The following FAM227B variants were observed in gnomAD, a reference collection of about 807,000 sequenced individuals.
FAM227B encodes the protein protein FAM227B.
Under a neutral mutation model 73.8 loss-of-function variants are expected in FAM227B, and 88 were observed. The ratio of observed to expected loss-of-function variants is 1.19; its 90% CI spans 1.00 to 1.42. FAM227B has a LOEUF of 1.42. Ranked by LOEUF, FAM227B falls within the 40% of genes most tolerant of loss-of-function variation. The pLI is 0.00. For synonymous variants in FAM227B, 210 were observed against 190.5 expected (o/e 1.10, Z -0.84); for missense variants, 632 against 590.9 (o/e 1.07, Z -0.72).
chr15:49,412,850 T>C (rs1458735147), intron 11 of FAM227B, among the ~76,000 whole-genome samples: 4 of 152,238 alleles, frequency 2.6e-5, no homozygotes, highest in Admixed American at 6.5e-5. Context: ...TGTGTGGAAA[T>C]TGAATTTCAA....
rs542612493 is a variant in FAM227B, at chr15:49,477,911, A to G, written c.1012+30300T>C. On this transcript the variant is annotated intron_variant, in intron 11 of 15. Transcript: ENST00000299338. ...TATCTCATTGTTGTTTTAATTTGCA[A>G]TTCCTTTTTAAATAATTTCAACTTT... 5.5e-4 allele frequency among the ~76,000 whole-genome samples: 83 copies of G among 152,236 alleles called. 1 individual carries two copies. In the Middle Eastern group the frequency reaches 0.014, roughly 25 times the overall value.
intron 3 of FAM227B, among the ~76,000 whole-genome samples, chr15:49,604,350 G>GTT (rs34696974): frequency 6.6e-6 from 1 of 150,644 alleles, no homozygotes; most frequent in East Asian, 2.0e-4. Flanking sequence ...TTTGTTGGCA[G>GTT]TTTTTTTTTC....
intron 11 of FAM227B, among the ~76,000 whole-genome samples, chr15:49,470,921 G>C (rs1259343747): frequency 6.6e-6 from 1 of 152,172 alleles, no homozygotes; most frequent in Non-Finnish European, 1.5e-5. Context: ...AGGATGTAAG[G>C]ACACCAAGGG....
At chr15:49,498,948 C>T (rs1365440255) in intron 11 of FAM227B, among the ~76,000 whole-genome samples, 1 of 151,628 alleles carries the variant, frequency 6.6e-6, no homozygotes, top group African/African-American at 2.4e-5. Context: ...GGGCGGATCA[C>T]GAGGTCAGGA....
At position 49,335,006 on chromosome 15, in the gene FAM227B, G is replaced by A. The variant is rs545858001; in HGVS notation, c.1349+413C>T. On this transcript the variant is annotated intron_variant, in intron 14 of 15. Coordinates refer to ENST00000299338, the MANE Select transcript of FAM227B (RefSeq NM_152647.3). ...TTCCCCCAAGAAAACATTTCAGGAAGGACTTTGCTGTCTTGATTTCCTTGC... is the reference window on the plus strand; with the variant it reads ...TTCCCCCAAGAAAACATTTCAGGAAAGACTTTGCTGTCTTGATTTCCTTGC... Among the ~76,000 whole-genome samples, 4 of 152,290 alleles carry A rather than the reference G, an allele frequency of 2.6e-5. No homozygotes were observed. The East Asian group carries it at 5.8e-4, about 22-fold the overall frequency.
intron 13 of FAM227B, among the ~76,000 whole-genome samples, chr15:49,348,780 T>C (rs1323950865): frequency 6.6e-6 from 1 of 152,228 alleles, no homozygotes; most frequent in Non-Finnish European, 1.5e-5. Flanking sequence ...CCTGATTTTA[T>C]TGACCAACAA....
At chr15:49,333,769 G>A (rs761104294) in intron 14 of FAM227B, among the ~76,000 whole-genome samples, 5 of 152,142 alleles carry the variant, frequency 3.3e-5, no homozygotes, top group East Asian at 3.8e-4. Flanking sequence ...ACGTGCTTAC[G>A]GGTGTGTTGG....
chr15:49,489,883 T>TATAGAGAG (rs1555505060), intron 11 of FAM227B, among the ~76,000 whole-genome samples: 3 of 22,948 alleles, frequency 1.3e-4, no homozygotes, highest in African/African-American at 3.5e-4. Flanking sequence ...TATATATATA[T>TATAGAGAG]AGAGAGAGAG....
At chr15:49,550,819 C>A (rs1196720508) in intron 9 of FAM227B, among the ~76,000 whole-genome samples, 1 of 151,112 alleles carries the variant, frequency 6.6e-6, no homozygotes, top group Non-Finnish European at 1.5e-5. Flanking sequence ...GGCAGAGGGG[C>A]TCCTCACGTC....
At position 49,615,184 on chromosome 15, in the gene FAM227B, T is replaced by C. The variant is rs1379095068; in HGVS notation, c.-13A>G. ...GTTGGCCTGCCATGGTACAGTAACT[T>C]TGCAGAAATGAAGAGAAATCAGCTG... On this transcript the variant is annotated 5_prime_UTR_variant, in exon 2 of 16. Coordinates refer to ENST00000299338, the MANE Select transcript of FAM227B (RefSeq NM_152647.3). 3 of 1,613,928 alleles carry C rather than the reference T, an allele frequency of 1.9e-6. No homozygotes were observed. The highest frequency in any genetic ancestry group is 2.7e-5 in the African/African-American group (2 of 75,022).
intron 11 of FAM227B, among the ~76,000 whole-genome samples, chr15:49,476,281 A>AT (rs1447762652): frequency 1.8e-5 from 2 of 111,020 alleles, no homozygotes; most frequent in South Asian, 2.7e-4. Flanking sequence ...CACTTATTTT[A>AT]TTTTTTCTGT....
chr15:49,612,352 T>G (rs974511354), intron 2 of FAM227B, among the ~76,000 whole-genome samples: 1 of 152,202 alleles, frequency 6.6e-6, no homozygotes, highest in African/African-American at 2.4e-5. Flanking sequence ...GTTTGTTTTT[T>G]GTCCTTGCGA....
At chr15:49,369,998 G>A (rs150436012) in intron 12 of FAM227B, among the ~76,000 whole-genome samples, 2 of 152,330 alleles carry the variant, frequency 1.3e-5, no homozygotes, top group East Asian at 3.9e-4. Flanking sequence ...GAAGAGACCA[G>A]AGCTCACTCT....
At chr15:49,416,340 G>A (rs1189101940) in intron 11 of FAM227B, among the ~76,000 whole-genome samples, 2 of 151,916 alleles carry the variant, frequency 1.3e-5, no homozygotes, top group Non-Finnish European at 2.9e-5. Context: ...TTGGTTATAT[G>A]GCATGACCCA....
chr15:49,398,079 C>A, intron 11 of FAM227B, among the ~76,000 whole-genome samples: 1 of 152,152 alleles, frequency 6.6e-6, no homozygotes, highest in Non-Finnish European at 1.5e-5. Context: ...CAAGACCCAA[C>A]AGTGTGCTGT....
chr15:49,331,709 G>C lies in FAM227B; in HGVS notation c.1419+71C>G. ...GGGTGTGCCACCATACATTGCTTAT[G>C]AAATATTGTCCAGTCTATATAAAAG... On this transcript the variant is annotated intron_variant, in intron 15 of 15. Coordinates refer to ENST00000299338, the MANE Select transcript of FAM227B (RefSeq NM_152647.3). The C allele has an allele frequency of 4.2e-6, 4 of 960,770 alleles. No individual in the cohort carries two copies. In the South Asian group the frequency reaches 5.4e-5, roughly 13 times the overall value. 59.5% of individuals were successfully genotyped at this position (960,770 alleles called of 1,614,324 possible).
chr15:49,362,237 C>G (rs1320985389), intron 13 of FAM227B, among the ~76,000 whole-genome samples: 1 of 152,042 alleles, frequency 6.6e-6, no homozygotes, highest in East Asian at 1.9e-4. Flanking sequence ...GTGGATTTCC[C>G]TCCTGCTGTT....
intron 5 of FAM227B, among the ~76,000 whole-genome samples, chr15:49,579,413 A>G (rs1444936405): frequency 6.6e-6 from 1 of 152,180 alleles, no homozygotes; most frequent in Non-Finnish European, 1.5e-5. Context: ...CCATCAAAGG[A>G]TAAATAGATA....
At chr15:49,433,457 A>T (rs1009038979) in intron 11 of FAM227B, among the ~76,000 whole-genome samples, 1 of 151,808 alleles carries the variant, frequency 6.6e-6, no homozygotes, top group African/African-American at 2.4e-5. Flanking sequence ...AATTTATTAC[A>T]CATTTAAAAT....
Sources: allele counts gnomAD v4.1 joint callset (sites outside exome capture counted in the v4.1 genomes callset), GRCh38; gene constraint gnomAD v4.1.1; transcripts MANE v1.5; gene names NCBI Gene and HGNC (gene_info 2026-07-23, HGNC 2026-07-21).